PRDM16: variants seen among roughly 807,000 people sequenced by gnomAD.
The protein encoded by PRDM16 is PR/SET domain 16.
A neutral mutation model predicts 110.6 loss-of-function variants in PRDM16; 23 were observed. The observed-to-expected ratio is 0.21, with a 90% CI of 0.15 to 0.29. The LOEUF (loss-of-function observed/expected upper bound fraction) is 0.29, where lower values mean the gene tolerates loss of function less well. Ranked by LOEUF, PRDM16 falls within the 10% of genes least tolerant of loss-of-function variation. The pLI, the probability that PRDM16 is intolerant of heterozygous loss-of-function variation, is 1.00. For missense variants in PRDM16, 1,615 were observed against 1,794.3 expected (o/e 0.90, Z 1.81); for synonymous variants, 799 against 781.8 (o/e 1.02, Z -0.37).
chr1:3,406,849 G>T (rs1643571242), intron 8 of PRDM16, among the ~76,000 whole-genome samples: 1 of 152,230 alleles, frequency 6.6e-6, no homozygotes, highest in African/African-American at 2.4e-5. Flanking sequence ...GAAGTCAGAG[G>T]CCCCTGAAGG....
intron 3 of PRDM16, among the ~76,000 whole-genome samples, chr1:3,323,048 C>T (rs925004525): frequency 4.6e-5 from 7 of 152,232 alleles, no homozygotes; most frequent in African/African-American, 1.4e-4. Context: ...CTGCGACACC[C>T]GAGCACAGAG....
intron 1 of PRDM16, among the ~76,000 whole-genome samples, chr1:3,092,986 C>CGAGGT (rs1214531975): frequency 2.0e-5 from 3 of 152,118 alleles, no homozygotes; most frequent in African/African-American, 7.2e-5. Flanking sequence ...CTGCAGGGAC[C>CGAGGT]GAGGTGGCGT....
At chr1:3,338,708 G>A (rs904650375) in intron 3 of PRDM16, among the ~76,000 whole-genome samples, 2 of 152,174 alleles carry the variant, frequency 1.3e-5, no homozygotes, top group South Asian at 2.1e-4. Flanking sequence ...GAACCCAGGG[G>A]CTTGTGGCTA....
intron 3 of PRDM16, among the ~76,000 whole-genome samples, chr1:3,260,597 G>A (rs990237077): frequency 6.6e-6 from 1 of 150,456 alleles, no homozygotes; most frequent in Non-Finnish European, 1.5e-5. Context: ...CTGGTGATGA[G>A]GTTGATAATG....
intron 2 of PRDM16, among the ~76,000 whole-genome samples, chr1:3,214,878 T>G (rs1239731768): frequency 6.6e-6 from 1 of 152,124 alleles, no homozygotes; most frequent in African/African-American, 2.4e-5. Context: ...GCTTCTGTGG[T>G]GAATACAGAC....
intron 3 of PRDM16, among the ~76,000 whole-genome samples, chr1:3,321,243 G>T (rs1211393019): frequency 6.6e-6 from 1 of 151,938 alleles, no homozygotes; most frequent in Non-Finnish European, 1.5e-5. Flanking sequence ...CACACGCGTG[G>T]GGGTAAATAT....
At chr1:3,419,544 G>A (rs752173211) in intron 12 of PRDM16, among the ~76,000 whole-genome samples, 51 of 152,224 alleles carry the variant, frequency 3.4e-4, no homozygotes, top group Non-Finnish European at 5.9e-4. Flanking sequence ...TAACTGGGAG[G>A]CGAATGGGGA....
At chr1:3,164,063 G>T (rs1009987973) in intron 1 of PRDM16, among the ~76,000 whole-genome samples, 1 of 152,226 alleles carries the variant, frequency 6.6e-6, no homozygotes, top group Non-Finnish European at 1.5e-5. Context: ...AAAGCAGGTT[G>T]TTCTGAATCT....
intron 3 of PRDM16, among the ~76,000 whole-genome samples, chr1:3,368,230 C>T (rs998665927): frequency 5.3e-5 from 8 of 152,200 alleles, no homozygotes; most frequent in Non-Finnish European, 1.0e-4. Context: ...AGGAGGCAGT[C>T]CCGACAGATG....
intron 3 of PRDM16, among the ~76,000 whole-genome samples, chr1:3,378,719 C>A (rs548167770): frequency 1.3e-5 from 2 of 152,064 alleles, no homozygotes; most frequent in Non-Finnish European, 2.9e-5. Context: ...GAGGAGGCAG[C>A]GGTCAGGGCA....
intron 12 of PRDM16, among the ~76,000 whole-genome samples, chr1:3,421,988 GCAGACAGACAGA>G (rs1228820613): frequency 6.8e-6 from 1 of 148,148 alleles, no homozygotes; most frequent in Non-Finnish European, 1.5e-5. Context: ...GGACAGACAG[GCAGACAGACAGA>G]CAGGCAAACA....
chr1:3,330,807 G>A (rs79131369), intron 3 of PRDM16, among the ~76,000 whole-genome samples: 3,204 of 152,312 alleles, frequency 0.021, 172 homozygotes, highest in East Asian at 0.11. Context: ...ATCTCTGGCC[G>A]AGTGGAGGTG....
chr1:3,361,709 C>G (rs1642716560), intron 3 of PRDM16, among the ~76,000 whole-genome samples: 2 of 152,162 alleles, frequency 1.3e-5, no homozygotes, highest in African/African-American at 4.8e-5. Flanking sequence ...GCTATGTGAC[C>G]AGGTGGTGAG....
intron 8 of PRDM16, among the ~76,000 whole-genome samples, chr1:3,410,096 T>A (rs1309823775): frequency 1.4e-5 from 2 of 140,464 alleles, no homozygotes; most frequent in Non-Finnish European, 3.1e-5. Flanking sequence ...ATGTGTGTGG[T>A]TGTGTGTGTG....
chr1:3,386,970 C>T (rs193211740), intron 4 of PRDM16: 16 of 151,280 alleles, frequency 1.1e-4, no homozygotes, highest in South Asian at 8.3e-4. Flanking sequence ...AAAAAACAAA[C>T]GTGTAATCTC....
At chr1:3,089,072 C>T (rs569919730) in intron 1 of PRDM16, among the ~76,000 whole-genome samples, 7 of 152,238 alleles carry the variant, frequency 4.6e-5, no homozygotes, top group East Asian at 1.9e-4. Flanking sequence ...CGTGAGCCAC[C>T]GCGCCAGTCC....
chr1:3,104,533 C>A (rs1642605514), intron 1 of PRDM16, among the ~76,000 whole-genome samples: 2 of 115,636 alleles, frequency 1.7e-5, no homozygotes, highest in African/African-American at 7.7e-5. Flanking sequence ...CCAGTGTTCA[C>A]AAGGGTGGGC....
chr1:3,250,244 C>A (rs1201858072), intron 3 of PRDM16, among the ~76,000 whole-genome samples: 1 of 152,104 alleles, frequency 6.6e-6, no homozygotes, highest in Non-Finnish European at 1.5e-5. Context: ...GGGGCCGCAG[C>A]CACAGCTCCC....
chr1:3,166,732 G>A (rs1207088805), intron 1 of PRDM16, among the ~76,000 whole-genome samples: 2 of 152,280 alleles, frequency 1.3e-5, no homozygotes, highest in South Asian at 2.1e-4. Context: ...CCTGGGGCCC[G>A]GCCCAGGTGG....
Sources: gnomAD v4.1 joint callset for allele counts (sites outside exome capture counted in the v4.1 genomes callset) on GRCh38, gnomAD v4.1.1 for gene constraint, MANE v1.5 for transcripts, NCBI Gene and HGNC (gene_info 2026-07-23, HGNC 2026-07-21) for gene names.